RPS6KC1: variants seen among roughly 807,000 people sequenced by gnomAD.
RPS6KC1 encodes the protein inactive ribosomal protein S6 kinase delta-1.
A neutral mutation model predicts 103.8 loss-of-function variants in RPS6KC1; 54 were observed. That is an observed-to-expected ratio of 0.52 (90% CI 0.42 to 0.65). The LOEUF (loss-of-function observed/expected upper bound fraction) is 0.65, where lower values mean the gene tolerates loss of function less well. RPS6KC1 is among the 30% of genes least tolerant of loss of function. RPS6KC1 has a pLI of 0.00. For synonymous variants in RPS6KC1, 439 were observed against 438.7 expected (o/e 1.00, Z -0.01); for missense variants, 1,151 against 1,253.8 (o/e 0.92, Z 1.24).
chr1:213,826,083 G>A, the RPS6KC1 span, among the ~76,000 whole-genome samples: 1 of 152,088 alleles, frequency 6.6e-6, no homozygotes, highest in African/African-American at 2.4e-5. Flanking sequence ...TAGTTGCCAA[G>A]GACTATGGTG....
chr1:213,251,554 A>G (rs2094546927), intron 12 of RPS6KC1, among the ~76,000 whole-genome samples: 1 of 152,210 alleles, frequency 6.6e-6, no homozygotes, highest in Non-Finnish European at 1.5e-5. Flanking sequence ...TGCCTGGAAT[A>G]GTGCAGTCAG....
At chr1:213,149,060 C>G (rs1013003484) in intron 6 of RPS6KC1, among the ~76,000 whole-genome samples, 1 of 151,184 alleles carries the variant, frequency 6.6e-6, no homozygotes, top group Non-Finnish European at 1.5e-5. Flanking sequence ...TTTGTATATT[C>G]TTTTTTTTTC....
the RPS6KC1 span, among the ~76,000 whole-genome samples, chr1:213,528,420 A>T: frequency 7.7e-6 from 1 of 130,028 alleles, no homozygotes; most frequent in African/African-American, 2.7e-5. Flanking sequence ...CCCACGACAC[A>T]TGGGGATTAT....
the RPS6KC1 span, among the ~76,000 whole-genome samples, chr1:213,381,020 A>C: frequency 6.6e-6 from 1 of 152,074 alleles, no homozygotes; most frequent in Non-Finnish European, 1.5e-5. Context: ...TGTCATGACA[A>C]CTCGTAGAGC....
the RPS6KC1 span, among the ~76,000 whole-genome samples, chr1:213,410,098 T>C: frequency 9.2e-5 from 14 of 152,158 alleles, no homozygotes; most frequent in Admixed American, 7.9e-4. Context: ...GAGGCTGCAG[T>C]GAGCTGTGGT....
chr1:213,550,302 G>A, the RPS6KC1 span, among the ~76,000 whole-genome samples: 5 of 152,212 alleles, frequency 3.3e-5, no homozygotes, highest in African/African-American at 1.2e-4. Context: ...AGAATTCTGA[G>A]ATCCTCTTTC....
chr1:213,747,116 A>T, the RPS6KC1 span, among the ~76,000 whole-genome samples: 1 of 152,158 alleles, frequency 6.6e-6, no homozygotes, highest in South Asian at 2.1e-4. Flanking sequence ...TGGGAGCAGG[A>T]CCCTGGGACA....
the RPS6KC1 span, among the ~76,000 whole-genome samples, chr1:213,749,556 T>C: frequency 6.6e-6 from 1 of 152,268 alleles, no homozygotes; most frequent in African/African-American, 2.4e-5. Flanking sequence ...GATGAGAGGC[T>C]GTGGCAGGAA....
the RPS6KC1 span, among the ~76,000 whole-genome samples, chr1:213,300,546 G>T: frequency 6.6e-6 from 1 of 152,182 alleles, no homozygotes; most frequent in Non-Finnish European, 1.5e-5. Context: ...TTCCCCTAAT[G>T]TGTTCACATT....
At chr1:213,324,086 C>T in the RPS6KC1 span, among the ~76,000 whole-genome samples, 11 of 152,196 alleles carry the variant, frequency 7.2e-5, no homozygotes, top group East Asian at 2.1e-3. Flanking sequence ...CTGCTCTGTG[C>T]TATAAAAGCA....
chr1:213,111,245 C>T (rs896526660), intron 4 of RPS6KC1, among the ~76,000 whole-genome samples: 1 of 152,114 alleles, frequency 6.6e-6, no homozygotes, highest in Admixed American at 6.6e-5. Flanking sequence ...AAAGCATTTG[C>T]TGGATCTCCT....
chr1:213,113,595 T>A (rs1232974900), intron 4 of RPS6KC1, among the ~76,000 whole-genome samples: 1 of 151,658 alleles, frequency 6.6e-6, no homozygotes, highest in Non-Finnish European at 1.5e-5. Flanking sequence ...TGGCTTTTGT[T>A]GACATTGCTT....
intron 3 of RPS6KC1, among the ~76,000 whole-genome samples, chr1:213,093,667 C>T (rs753186930): frequency 8.5e-5 from 13 of 152,072 alleles, no homozygotes; most frequent in Non-Finnish European, 7.4e-5. Flanking sequence ...GATTTAGACC[C>T]GTATCTTCTG....
the RPS6KC1 span, among the ~76,000 whole-genome samples, chr1:213,469,877 G>C: frequency 6.6e-6 from 1 of 152,102 alleles, no homozygotes; most frequent in Non-Finnish European, 1.5e-5. Flanking sequence ...AAAATTAGAC[G>C]AGTGTGGTGA....
intron 6 of RPS6KC1, among the ~76,000 whole-genome samples, chr1:213,149,394 C>T (rs1254598059): frequency 6.6e-6 from 1 of 152,160 alleles, no homozygotes; most frequent in African/African-American, 2.4e-5. Flanking sequence ...TTTACTTCTT[C>T]ATTTACTCAC....
chr1:213,793,183 T>C, the RPS6KC1 span, among the ~76,000 whole-genome samples: 1 of 152,160 alleles, frequency 6.6e-6, no homozygotes, highest in Non-Finnish European at 1.5e-5. Context: ...CCCAAGGTAG[T>C]AATTTTGTAA....
chr1:213,140,632 T>A (rs1352019627), intron 6 of RPS6KC1, among the ~76,000 whole-genome samples: 1 of 152,126 alleles, frequency 6.6e-6, no homozygotes, highest in East Asian at 1.9e-4. Context: ...TATGTGGTGA[T>A]CACATTTATT....
At chr1:213,687,126 C>T in the RPS6KC1 span, among the ~76,000 whole-genome samples, 3 of 152,184 alleles carry the variant, frequency 2.0e-5, no homozygotes, top group South Asian at 2.1e-4. Context: ...GTTTTATCAA[C>T]GAAGCCTTTG....
chr1:213,586,203 A>G, the RPS6KC1 span, among the ~76,000 whole-genome samples: 2 of 152,218 alleles, frequency 1.3e-5, no homozygotes, highest in Non-Finnish European at 2.9e-5. Flanking sequence ...AGGGACTGAC[A>G]TTACATTACA....
Sources: gnomAD v4.1 joint callset for allele counts (sites outside exome capture counted in the v4.1 genomes callset) on GRCh38, gnomAD v4.1.1 for gene constraint, MANE v1.5 for transcripts, NCBI Gene and HGNC (gene_info 2026-07-23, HGNC 2026-07-21) for gene names.